ADGRB3: variants seen among roughly 807,000 people sequenced by gnomAD.
ADGRB3 encodes the protein adhesion G protein-coupled receptor B3.
In ADGRB3, 37 loss-of-function variants were observed where a neutral mutation model predicts 193.4. That is an observed-to-expected ratio of 0.19 (90% CI 0.15 to 0.25). The LOEUF (loss-of-function observed/expected upper bound fraction) is 0.25, where lower values mean the gene tolerates loss of function less well. Among genes scored for constraint, ADGRB3 ranks in the 10% least tolerant of loss-of-function variants. The pLI is 1.00. For synonymous variants in ADGRB3, 690 were observed against 644.2 expected, an observed-to-expected ratio of 1.07 and a Z score of -1.08; for missense variants, 1,637 against 1,852.9, an observed-to-expected ratio of 0.88 and a Z score of 2.14.
Position 68,888,542 on chromosome 6 carries a change from TAC to T in ADGRB3, c.758-41985_758-41984del, listed in dbSNP as rs5877179. On this transcript the variant is annotated intron_variant, in intron 3 of 31. Coordinates refer to ENST00000370598, the MANE Select transcript of ADGRB3 (RefSeq NM_001704.3). The stretch of plus-strand genomic sequence containing the variant: ...TTCAGTTCCTTTTTTGGGTAATAGA[TAC>T]ACACACACACACACACACACACACA... 1.7e-3 allele frequency among the ~76,000 whole-genome samples: 246 copies of T among 146,060 alleles called. 1 individual carries two copies. Among genetic ancestry groups the T allele is most frequent in the East Asian group, 0.012 (57 of 4,884 alleles).
chr6:68,998,879 C>T (rs1769473432), intron 11 of ADGRB3, among the ~76,000 whole-genome samples: 1 of 152,134 alleles, frequency 6.6e-6, no homozygotes, highest in African/African-American at 2.4e-5. Flanking sequence ...CTCTAAGATC[C>T]TATTCTTTCC....
chr6:68,658,278 A>G (rs968535758), intron 3 of ADGRB3, among the ~76,000 whole-genome samples: 1 of 151,314 alleles, frequency 6.6e-6, no homozygotes. Flanking sequence ...ACCACTCTGT[A>G]AAGATACATA....
intron 5 of ADGRB3, among the ~76,000 whole-genome samples, chr6:68,938,436 T>C: frequency 1.4e-5 from 1 of 72,236 alleles, no homozygotes; most frequent in African/African-American, 5.5e-5. Context: ...CATGATATTT[T>C]GAGGTATATA....
chr6:68,845,173 T>C (rs557076808), intron 3 of ADGRB3, among the ~76,000 whole-genome samples: 6 of 152,326 alleles, frequency 3.9e-5, no homozygotes, highest in African/African-American at 1.4e-4. Flanking sequence ...CTTAGCATGA[T>C]GTGACTATTA....
chr6:68,824,927 C>T (rs1394780021), intron 3 of ADGRB3, among the ~76,000 whole-genome samples: 1 of 152,012 alleles, frequency 6.6e-6, no homozygotes, highest in African/African-American at 2.4e-5. Context: ...CGATCTCCCT[C>T]ACGGCAACCT....
chr6:68,660,068 G>A (rs1482930357), intron 3 of ADGRB3, among the ~76,000 whole-genome samples: 3 of 150,798 alleles, frequency 2.0e-5, no homozygotes, highest in Non-Finnish European at 4.5e-5. Context: ...AGTTAATACA[G>A]ATAATTATGA....
At chr6:69,210,149 C>CATATATATATATATATCTATATATAT (rs1765629174) in intron 17 of ADGRB3, among the ~76,000 whole-genome samples, 1 of 78,940 alleles carries the variant, frequency 1.3e-5, no homozygotes, top group African/African-American at 6.3e-5. Context: ...TAATATATAT[C>CATATATATATATATATCTATATATAT]ATATATATAT....
At chr6:68,910,833 G>A (rs942510270) in intron 3 of ADGRB3, among the ~76,000 whole-genome samples, 3 of 152,194 alleles carry the variant, frequency 2.0e-5, no homozygotes, top group African/African-American at 7.2e-5. Context: ...TTGAAGTCAA[G>A]TAGCGTGATG....
At chr6:68,961,386 G>C (rs146986177) in intron 8 of ADGRB3, among the ~76,000 whole-genome samples, 232 of 152,176 alleles carry the variant, frequency 1.5e-3, no homozygotes, top group Non-Finnish European at 2.8e-3. Flanking sequence ...TTCCTGAGCA[G>C]TATATTTTCC....
In ADGRB3 at chr6:68,987,729, T is replaced by C. The variant is rs531410897; in HGVS notation, c.1735-6039T>C. On this transcript the variant is annotated intron_variant, in intron 10 of 31. Coordinates refer to ENST00000370598, the MANE Select transcript of ADGRB3 (RefSeq NM_001704.3). Reference sequence around the variant, plus strand: ...TTAACCTTACTAAGTCTCCACTCCTTCATCTGTAAATGTGAATCATTATGG... The same window carrying C: ...TTAACCTTACTAAGTCTCCACTCCTCCATCTGTAAATGTGAATCATTATGG... Among the ~76,000 whole-genome samples, 24 of 152,242 alleles carry C rather than the reference T, an allele frequency of 1.6e-4. 2 individuals are homozygous for C. The highest frequency in any genetic ancestry group is 2.9e-4 in the Non-Finnish European group (20 of 67,996).
chr6:68,854,505 G>C (rs79707444), intron 3 of ADGRB3, among the ~76,000 whole-genome samples: 1 of 151,926 alleles, frequency 6.6e-6, no homozygotes, highest in East Asian at 1.9e-4. Context: ...AAATAGATGC[G>C]ATTGTATATA....
chr6:69,107,608 A>G (rs148823989), intron 17 of ADGRB3, among the ~76,000 whole-genome samples: 1 of 152,338 alleles, frequency 6.6e-6, no homozygotes, highest in East Asian at 1.9e-4. Context: ...TAACCAAAGC[A>G]TTAGTCACAA....
chr6:68,692,420 A>G (rs1383150460), intron 3 of ADGRB3, among the ~76,000 whole-genome samples: 1 of 151,948 alleles, frequency 6.6e-6, no homozygotes, highest in Non-Finnish European at 1.5e-5. Context: ...AATATAAGTC[A>G]TCTTGCTCAA....
intron 8 of ADGRB3, among the ~76,000 whole-genome samples, chr6:68,962,933 T>G (rs1172717937): frequency 1.3e-5 from 2 of 152,134 alleles, no homozygotes; most frequent in African/African-American, 4.8e-5. Context: ...GAATGTACCT[T>G]TATGTCTAAT....
chr6:69,318,152 T>C (rs1021814474), intron 20 of ADGRB3, among the ~76,000 whole-genome samples: 1 of 151,452 alleles, frequency 6.6e-6, no homozygotes, highest in Non-Finnish European at 1.5e-5. Context: ...TCTTCCTTTT[T>C]TTCATGACTG....
intron 17 of ADGRB3, among the ~76,000 whole-genome samples, chr6:69,205,965 A>G (rs1195514821): frequency 6.9e-6 from 1 of 145,786 alleles, no homozygotes; most frequent in African/African-American, 2.5e-5. Context: ...TTTTTTTTTT[A>G]CATTGTATTA....
intron 17 of ADGRB3, among the ~76,000 whole-genome samples, chr6:69,088,685 T>A (rs1772621289): frequency 6.6e-6 from 1 of 152,222 alleles, no homozygotes; most frequent in African/African-American, 2.4e-5. Flanking sequence ...ATCTTATGTG[T>A]TTCTGAAAGT....
intron 20 of ADGRB3, among the ~76,000 whole-genome samples, chr6:69,282,200 T>C (rs1451431139): frequency 6.6e-6 from 1 of 152,170 alleles, no homozygotes; most frequent in Non-Finnish European, 1.5e-5. Context: ...ATATCAGGAT[T>C]TGAACGTCTG....
intron 13 of ADGRB3, among the ~76,000 whole-genome samples, chr6:69,034,482 T>G (rs1366989931): frequency 6.7e-6 from 1 of 150,090 alleles, no homozygotes; most frequent in African/African-American, 2.4e-5. Context: ...AACAAAATTA[T>G]AATTGGTTGA....
Sources: gnomAD v4.1 joint callset for allele counts (sites outside exome capture counted in the v4.1 genomes callset) on GRCh38, gnomAD v4.1.1 for gene constraint, MANE v1.5 for transcripts, NCBI Gene and HGNC (gene_info 2026-07-23, HGNC 2026-07-21) for gene names.